The following TDRD7 variants were observed in gnomAD, a reference collection of about 807,000 sequenced individuals.
The protein encoded by TDRD7 is tudor domain containing 7, also known as tudor domain-containing protein 7.
A neutral mutation model predicts 109.8 loss-of-function variants in TDRD7; 47 were observed. The ratio of observed to expected loss-of-function variants is 0.43; its 90% CI spans 0.34 to 0.55. The LOEUF is 0.55. Ranked by LOEUF, TDRD7 falls within the 20% of genes least tolerant of loss-of-function variation. The probability of loss-of-function intolerance (pLI) is 0.03; values close to 1 mark genes in which losing one functional copy is unlikely to be tolerated. For synonymous variants in TDRD7, 424 were observed against 457.3 expected (o/e 0.93, Z 0.93); for missense variants, 1,164 against 1,319.2 (o/e 0.88, Z 1.82).
chr9:97,429,145 T>A (rs961938206), intron 2 of TDRD7, among the ~76,000 whole-genome samples: 25 of 152,220 alleles, frequency 1.6e-4, no homozygotes, highest in African/African-American at 6.0e-4. Flanking sequence ...CGGGGCCTCC[T>A]TGCTGTTGTG....
intron 6 of TDRD7, among the ~76,000 whole-genome samples, chr9:97,458,483 T>TCCTCATCTTTG (rs1828657406): frequency 1.3e-5 from 2 of 152,172 alleles, no homozygotes; most frequent in African/African-American, 4.8e-5. Context: ...AAGAGAAAGA[T>TCCTCATCTTTG]GAGGAATGCT....
At chr9:97,417,347 G>A (rs546408941) in intron 1 of TDRD7, among the ~76,000 whole-genome samples, 3 of 152,250 alleles carry the variant, frequency 2.0e-5, no homozygotes, top group Admixed American at 6.5e-5. Context: ...TGAGTGACGT[G>A]ATATAATAGT....
intron 16 of TDRD7, among the ~76,000 whole-genome samples, chr9:97,490,554 G>T (rs567763656): frequency 2.1e-5 from 3 of 144,390 alleles, no homozygotes; most frequent in Admixed American, 1.4e-4. Context: ...TTTGGTGGGG[G>T]GGGGGGCATT....
chr9:97,431,146 ATTGTTTG>A (rs1828098195), intron 3 of TDRD7, 72 bp downstream of exon 3: 1 of 1,586,580 alleles, frequency 6.3e-7, no homozygotes, highest in Non-Finnish European at 8.6e-7. Flanking sequence ...TTATGGAAAT[ATTGTTTG>A]TATTATGATA....
chr9:97,480,647 T>C (rs763650521), intron 13 of TDRD7, 181 bp from the exon 14 acceptor site: 8 of 643,228 alleles, frequency 1.2e-5, no homozygotes, highest in East Asian at 8.7e-5. Flanking sequence ...ATAGTAGTTA[T>C]ATAAATAGAG....
intron 6 of TDRD7, among the ~76,000 whole-genome samples, chr9:97,443,500 C>T (rs1198247639): frequency 6.6e-6 from 1 of 152,118 alleles, no homozygotes; most frequent in African/African-American, 2.4e-5. Context: ...TTTTTCAGTT[C>T]AGTTCAGTTT....
Position 97,412,142 on chromosome 9 carries a change from C to A in TDRD7, c.-103C>A. The A allele has an allele frequency of 1.3e-5, 2 of 153,570 alleles. No individual in the cohort carries two copies. Among genetic ancestry groups the A allele is most frequent in the South Asian group, 3.8e-4 (2 of 5,204 alleles). The allele number at this position is 153,570 out of a possible 1,614,324, so 9.5% of individuals were successfully genotyped here. ...GGCGGCTCCGGTGGTGCGGGGAAAC[C>A]GAAAGTGGGCGGCGGCCGCGGCGGG... On this transcript the variant is annotated 5_prime_UTR_variant, in exon 1 of 17. Coordinates refer to ENST00000355295, the MANE Select transcript of TDRD7 (RefSeq NM_014290.3). The surrounding 1 kb of genome is among the most constrained non-coding windows in gnomAD (Gnocchi z 4.3).
intron 6 of TDRD7, among the ~76,000 whole-genome samples, chr9:97,443,799 G>A (rs1379374362): frequency 1.3e-5 from 2 of 152,120 alleles, no homozygotes; most frequent in Non-Finnish European, 2.9e-5. Flanking sequence ...AAAGTTTTCT[G>A]TAAAACTTAG....
intron 13 of TDRD7, among the ~76,000 whole-genome samples, chr9:97,480,122 T>TC (rs1033654934): frequency 2.4e-4 from 36 of 152,200 alleles, no homozygotes; most frequent in African/African-American, 8.7e-4. Flanking sequence ...GAACTGGGTT[T>TC]CATCCCCTTC....
At chr9:97,484,946 C>T (rs1829187092) in intron 15 of TDRD7, among the ~76,000 whole-genome samples, 1 of 152,204 alleles carries the variant, frequency 6.6e-6, no homozygotes, top group Admixed American at 6.5e-5. Flanking sequence ...CCACTCTGCC[C>T]TCCATGGCTT....
rs1190171871 is a variant in TDRD7 at position 97,430,957 on chromosome 9, A to C, written c.232A>C (p.Thr78Pro). Reference protein sequence around the residue: ...GEITCYAMACTETARIAQLVA... With the variant: ...GEITCYAMACPETARIAQLVA... Reference sequence around the variant, plus strand: ...GATTACCTGCTATGCCATGGCCTGCACAGAAACTGCAAGAATTGCTCAGCT... The same window carrying C: ...GATTACCTGCTATGCCATGGCCTGCCCAGAAACTGCAAGAATTGCTCAGCT... The change falls in exon 3 of 17, where the codon ACA becomes CCA. Residue 78 changes from threonine to proline, a missense_variant. Thr to Pro is a conservative substitution (Grantham distance 38). Coordinates refer to ENST00000355295, the MANE Select transcript of TDRD7 (RefSeq NM_014290.3). 4 of 1,613,740 alleles carry C rather than the reference A, an allele frequency of 2.5e-6. No homozygotes were observed. The highest frequency in any genetic ancestry group is 3.4e-6 in the Non-Finnish European group (4 of 1,179,840).
At chr9:97,413,490 C>T (rs1297356236) in intron 1 of TDRD7, among the ~76,000 whole-genome samples, 1 of 152,210 alleles carries the variant, frequency 6.6e-6, no homozygotes, top group Non-Finnish European at 1.5e-5. Flanking sequence ...TATTCACTCT[C>T]TTCCTCCCAA....
intron 1 of TDRD7, among the ~76,000 whole-genome samples, chr9:97,419,566 G>A (rs1210090028): frequency 2.0e-5 from 3 of 152,166 alleles, no homozygotes; most frequent in African/African-American, 7.2e-5. Context: ...CTGCTCCCTG[G>A]CATTCATTCA....
intron 6 of TDRD7, among the ~76,000 whole-genome samples, chr9:97,450,246 G>A (rs1448783676): frequency 6.6e-6 from 1 of 151,970 alleles, no homozygotes; most frequent in Non-Finnish European, 1.5e-5. Context: ...TTTTTTGGGT[G>A]GACATTCAGA....
intron 1 of TDRD7, among the ~76,000 whole-genome samples, chr9:97,418,287 G>T (rs1216927559): frequency 6.6e-6 from 1 of 152,180 alleles, no homozygotes; most frequent in Non-Finnish European, 1.5e-5. Flanking sequence ...GAAAAATAAG[G>T]ATGAGCACTT....
At chr9:97,486,377 T>G (rs1449456411) in intron 15 of TDRD7, among the ~76,000 whole-genome samples, 2 of 152,222 alleles carry the variant, frequency 1.3e-5, no homozygotes, top group Non-Finnish European at 2.9e-5. Flanking sequence ...ATGATGTTGA[T>G]GTAGCTTCTG....
intron 16 of TDRD7, among the ~76,000 whole-genome samples, chr9:97,493,768 G>C (rs535411156): frequency 2.0e-5 from 3 of 152,126 alleles, no homozygotes; most frequent in Non-Finnish European, 4.4e-5. Context: ...CCTCAGGGAC[G>C]CATTCTCTTT....
At chr9:97,429,586 A>T (rs946796944) in intron 2 of TDRD7, among the ~76,000 whole-genome samples, 2 of 152,216 alleles carry the variant, frequency 1.3e-5, no homozygotes, top group Admixed American at 1.3e-4. Flanking sequence ...TTCACCTTGT[A>T]GTTAATAATT....
chr9:97,428,782 GTTGT>G, intron 2 of TDRD7, 110 bp downstream of exon 2: 1 of 1,040,634 alleles, frequency 9.6e-7, no homozygotes, highest in Non-Finnish European at 1.5e-6. Context: ...TACTAGCTTA[GTTGT>G]TTGGGATTGG....
Sources: gnomAD v4.1 joint callset for allele counts (sites outside exome capture counted in the v4.1 genomes callset) on GRCh38, gnomAD v4.1.1 for gene constraint, Gnocchi (gnomAD v3.1) non-coding constraint, MANE v1.5 for transcripts, NCBI Gene and HGNC (gene_info 2026-07-23, HGNC 2026-07-21) for gene names.